LAMA1: variants seen among roughly 807,000 people sequenced by gnomAD.
LAMA1 encodes the protein laminin subunit alpha-1.
In LAMA1, 219 loss-of-function variants were observed where a neutral mutation model predicts 348.7. That is an observed-to-expected ratio of 0.63 (90% CI 0.56 to 0.70). The LOEUF is 0.70. Among genes scored for constraint, LAMA1 ranks in the 30% least tolerant of loss-of-function variants. The pLI is 0.00. For missense variants in LAMA1, 3,744 were observed against 3,888.0 expected, an observed-to-expected ratio of 0.96 and a Z score of 0.99; for synonymous variants, 1,487 against 1,491.0, an observed-to-expected ratio of 1.00 and a Z score of 0.06.
intron 1 of LAMA1, among the ~76,000 whole-genome samples, chr18:7,102,507 G>C (rs2058295592): frequency 6.6e-6 from 1 of 152,082 alleles, no homozygotes; most frequent in African/African-American, 2.4e-5. Flanking sequence ...GTATTTTGAA[G>C]TCATATTCTT....
intron 37 of LAMA1, 46 bp from the exon 38 acceptor site, chr18:6,985,689 T>A (rs1395762127): frequency 1.6e-6 from 2 of 1,254,492 alleles, no homozygotes; most frequent in African/African-American, 3.0e-5. Flanking sequence ...AAAGCAACCC[T>A]GCTTCTGACC....
chr18:6,974,927 C>G lies in LAMA1; in HGVS notation c.6599G>C (p.Arg2200Thr). 1 of 1,614,140 alleles carries G rather than the reference C, an allele frequency of 6.2e-7. No individual in the cohort carries two copies. The highest frequency in any genetic ancestry group is 8.5e-7 in the Non-Finnish European group (1 of 1,180,030). ...CCTGGCTACATGGATACTGTGCCATCTGTTGTCATCAATGGGAAAGTCTGG... is the reference window on the plus strand; with the variant it reads ...CCTGGCTACATGGATACTGTGCCATGTGTTGTCATCAATGGGAAAGTCTGG... ...EFPDFPIDDN[R>T]WHSIHVARFG... The change falls in exon 46 of 63, where the codon AGA (arginine) becomes ACA (threonine). Residue 2200 changes from arginine (R) to threonine (T), a missense_variant. Coordinates refer to ENST00000389658, the MANE Select transcript of LAMA1 (RefSeq NM_005559.4).
chr18:6,978,172 C>T, intron 43 of LAMA1, 24 bp downstream of exon 43: 1 of 1,614,134 alleles, frequency 6.2e-7, no homozygotes, highest in Middle Eastern at 1.7e-4. Flanking sequence ...ACGATCATGA[C>T]TGGAAGGAAG....
chr18:7,100,386 C>CAGACACT (rs57785341), intron 1 of LAMA1, among the ~76,000 whole-genome samples: 5,251 of 152,190 alleles, frequency 0.035, 215 homozygotes, highest in African/African-American at 0.11. Flanking sequence ...ATGGAACACT[C>CAGACACT]AGACACTGCT....
intron 42 of LAMA1, 141 bp downstream of exon 42, chr18:6,980,380 G>A (rs1489814672): frequency 4.6e-6 from 3 of 656,056 alleles, no homozygotes; most frequent in South Asian, 3.4e-5. Flanking sequence ...ATATTCCTTT[G>A]CAAGTAAAAA....
intron 32 of LAMA1, among the ~76,000 whole-genome samples, chr18:6,998,224 C>A (rs1335432510): frequency 6.6e-6 from 1 of 152,064 alleles, no homozygotes; most frequent in Non-Finnish European, 1.5e-5. Flanking sequence ...AGAGTTGAAA[C>A]AACTATGAGC....
At position 6,961,627 on chromosome 18, in the gene LAMA1, C is replaced by G. The variant is rs373829095; in HGVS notation, c.7585G>C (p.Gly2529Arg). The change falls in exon 53 of 63, where the codon GGG (glycine) becomes CGG (arginine). Residue 2529 changes from glycine to arginine, a missense_variant. Gly to Arg is a moderately radical substitution (Grantham distance 125). Coordinates refer to ENST00000389658, the MANE Select transcript of LAMA1 (RefSeq NM_005559.4). ...CGATCACCCCGCTTCTCCACATCCC[C>G]GCCGAGGGCAGCCAGGATGATGCCA... Reference protein sequence around the residue: ...SSGIILAALGGDVEKRGDREE... With the variant: ...SSGIILAALGRDVEKRGDREE... 6.2e-7 allele frequency: 1 copy of G among 1,614,082 alleles called. No individual in the cohort carries two copies. Among genetic ancestry groups the G allele is most frequent in the Admixed American group, 1.7e-5 (1 of 60,020 alleles).
chr18:7,015,587 A>T, intron 22 of LAMA1, 135 bp downstream of exon 22: 1 of 756,690 alleles, frequency 1.3e-6, no homozygotes, highest in Non-Finnish European at 2.1e-6. Flanking sequence ...GCCCACATTG[A>T]GTTTTTTTTT....
At chr18:7,038,681 A>T in intron 11 of LAMA1, 129 bp downstream of exon 11, 1 of 1,252,396 alleles carries the variant, frequency 8.0e-7, no homozygotes, top group Non-Finnish European at 1.2e-6. Flanking sequence ...GACCCACGTC[A>T]GTATCATTGC....
intron 39 of LAMA1, among the ~76,000 whole-genome samples, chr18:6,984,459 T>C (rs1308853081): frequency 6.6e-6 from 1 of 152,146 alleles, no homozygotes; most frequent in Non-Finnish European, 1.5e-5. Context: ...GGTTCCCACA[T>C]TTGCAGCACA....
intron 36 of LAMA1, among the ~76,000 whole-genome samples, chr18:6,990,480 G>C (rs762669269): frequency 5.3e-5 from 8 of 152,140 alleles, no homozygotes; most frequent in Non-Finnish European, 1.0e-4. Context: ...GCCCCACCCA[G>C]GGGCATCGCC....
chr18:7,101,578 T>TG (rs2058291348), intron 1 of LAMA1, among the ~76,000 whole-genome samples: 1 of 152,236 alleles, frequency 6.6e-6, no homozygotes, highest in Non-Finnish European at 1.5e-5. Flanking sequence ...ATTATCTATG[T>TG]GGTCAGATTG....
rs758934292 is a variant in LAMA1, at chr18:7,008,581, G to A, written c.4029C>T (p.Gly1343=). Reference sequence around the variant, plus strand: ...CTGGGTGCAGCTTTTCAGCCTTTCTGCCAACCTCCATTGAAATGTCTGAGA... The same window carrying A: ...CTGGGTGCAGCTTTTCAGCCTTTCTACCAACCTCCATTGAAATGTCTGAGA... ...SRISDISMEV[G]RKAEKLHPEE... is the part of the protein sequence containing the mutation. The change falls in exon 28 of 63, where the codon GGC becomes GGT. Residue 1343 remains glycine (G), a synonymous_variant. Transcript: ENST00000389658. 14 of 1,613,956 alleles carry A rather than the reference G, an allele frequency of 8.7e-6. No homozygotes were observed. Among genetic ancestry groups the A allele is most frequent in the African/African-American group, 4.0e-5 (3 of 74,996 alleles).
intron 1 of LAMA1, among the ~76,000 whole-genome samples, chr18:7,111,393 A>C (rs2058335339): frequency 6.6e-6 from 1 of 152,206 alleles, no homozygotes; most frequent in African/African-American, 2.4e-5. Context: ...CCCCCAAGCA[A>C]GATGAGGAAC....
At chr18:6,947,112 C>T (rs367553566) in intron 61 of LAMA1, 51 bp downstream of exon 61, 3 of 1,612,386 alleles carry the variant, frequency 1.9e-6, no homozygotes, top group Non-Finnish European at 2.5e-6. Context: ...CTCAATTGCT[C>T]TGTCTCTGAC....
chr18:7,068,642 G>A lies in LAMA1; in HGVS notation c.345+11333C>T, dbSNP rs72889706. 2.7e-3 allele frequency among the ~76,000 whole-genome samples: 413 copies of A among 152,230 alleles called. 2 individuals carry two copies. Among genetic ancestry groups the A allele is most frequent in the Admixed American group, 7.0e-3 (107 of 15,294 alleles). On this transcript the variant is annotated intron_variant, in intron 3 of 62. Transcript: ENST00000389658. ...ATCAAAATAAAGGAAGTTCTGTGTA[G>A]AGAAAAGGTCCACTGAAGACATTAA...
intron 1 of LAMA1, among the ~76,000 whole-genome samples, chr18:7,081,632 C>T (rs1463065502): frequency 6.6e-6 from 1 of 152,148 alleles, no homozygotes; most frequent in Non-Finnish European, 1.5e-5. Context: ...GAGAAAAGTA[C>T]CTCCATTCGG....
At chr18:7,057,747 G>A (rs533335938) in intron 3 of LAMA1, among the ~76,000 whole-genome samples, 156 of 150,654 alleles carry the variant, frequency 1.0e-3, no homozygotes, top group African/African-American at 3.5e-3. Context: ...CCAAACTGCC[G>A]TGATTACAGA....
intron 26 of LAMA1, among the ~76,000 whole-genome samples, chr18:7,009,900 G>A (rs1381945667): frequency 6.6e-6 from 1 of 152,120 alleles, no homozygotes; most frequent in Non-Finnish European, 1.5e-5. Flanking sequence ...TCCGCCTCCT[G>A]GGTTCAAGAG....
Sources: allele counts gnomAD v4.1 joint callset (sites outside exome capture counted in the v4.1 genomes callset), GRCh38; gene constraint gnomAD v4.1.1; transcripts MANE v1.5; gene names NCBI Gene and HGNC (gene_info 2026-07-23, HGNC 2026-07-21).